Variants in DYNC1I1 observed in about 807,000 individuals in gnomAD.
DYNC1I1 encodes dynein cytoplasmic 1 intermediate chain 1.
DYNC1I1 carries 43 observed loss-of-function variants against 86.6 expected under a neutral mutation model. That is an observed-to-expected ratio of 0.50 (90% confidence interval 0.39 to 0.64). The LOEUF (loss-of-function observed/expected upper bound fraction) is 0.64, where lower values mean the gene tolerates loss of function less well. Among genes scored for constraint, DYNC1I1 ranks in the 30% least tolerant of loss-of-function variants. The probability of loss-of-function intolerance (pLI) is 0.00; values close to 1 mark genes in which losing one functional copy is unlikely to be tolerated. For synonymous variants in DYNC1I1, 262 were observed against 283.7 expected (o/e 0.92, Z 0.77); for missense variants, 604 against 788.8 (o/e 0.77, Z 2.81).
chr7:96,027,523 G>A (rs1794710082), intron 10 of DYNC1I1, among the ~76,000 whole-genome samples: 1 of 152,120 alleles, frequency 6.6e-6, no homozygotes, highest in Non-Finnish European at 1.5e-5. Flanking sequence ...ATCCATTTCT[G>A]GTTGTTTGTT....
intron 6 of DYNC1I1, among the ~76,000 whole-genome samples, chr7:95,894,753 C>G (rs552586133): frequency 1.7e-4 from 26 of 152,280 alleles, no homozygotes; most frequent in African/African-American, 6.0e-4. Flanking sequence ...TCAATGAACT[C>G]TTGGAAAGCA....
chr7:95,830,232 C>T (rs879783639), intron 5 of DYNC1I1, among the ~76,000 whole-genome samples: 1 of 152,044 alleles, frequency 6.6e-6, no homozygotes, highest in Admixed American at 6.6e-5. Flanking sequence ...AAATAAACTA[C>T]ACATATTAAA....
At chr7:95,888,601 A>G (rs957905595) in intron 6 of DYNC1I1, among the ~76,000 whole-genome samples, 1 of 152,078 alleles carries the variant, frequency 6.6e-6, no homozygotes, top group Non-Finnish European at 1.5e-5. Context: ...TGTGTTTTGT[A>G]TGAGTATTTT....
At chr7:95,939,023 C>G (rs1792126452) in intron 6 of DYNC1I1, among the ~76,000 whole-genome samples, 1 of 152,080 alleles carries the variant, frequency 6.6e-6, no homozygotes, top group African/African-American at 2.4e-5. Flanking sequence ...TTTCAAAGAA[C>G]ATCTTTATTT....
At chr7:95,826,309 C>T (rs1922335) in intron 4 of DYNC1I1, among the ~76,000 whole-genome samples, 104,377 of 152,020 alleles carry the variant, frequency 0.69, 36,261 homozygotes, top group African/African-American at 0.78. Flanking sequence ...ATCTGTATTC[C>T]GCTACTTCTG....
At chr7:95,845,550 C>T (rs1370392996) in intron 5 of DYNC1I1, among the ~76,000 whole-genome samples, 2 of 152,130 alleles carry the variant, frequency 1.3e-5, no homozygotes, top group Non-Finnish European at 2.9e-5. Flanking sequence ...TGTAACAATG[C>T]CTGGTATGTT....
At chr7:95,977,638 T>C (rs1793342896) in intron 7 of DYNC1I1, 37 bp downstream of exon 7, 1 of 1,575,496 alleles carries the variant, frequency 6.3e-7, no homozygotes, top group African/African-American at 1.4e-5. Context: ...ATCATTTTAT[T>C]GTTTTGTTTT....
At chr7:95,894,389 C>G (rs1157892336) in intron 6 of DYNC1I1, among the ~76,000 whole-genome samples, 1 of 151,798 alleles carries the variant, frequency 6.6e-6, no homozygotes, top group Non-Finnish European at 1.5e-5. Context: ...GTACCAATCC[C>G]CAGTTATCTC....
chr7:95,961,352 C>A (rs1792862139), intron 6 of DYNC1I1, among the ~76,000 whole-genome samples: 1 of 152,088 alleles, frequency 6.6e-6, no homozygotes, highest in Non-Finnish European at 1.5e-5. Context: ...AGTGAAAAAA[C>A]TAACCAAGGT....
chr7:96,091,610 A>T (rs951061724), intron 16 of DYNC1I1, among the ~76,000 whole-genome samples: 1 of 152,230 alleles, frequency 6.6e-6, no homozygotes. Flanking sequence ...TATTTTTACT[A>T]TGAAAAATAT....
chr7:95,855,910 A>G (rs1300119908), intron 5 of DYNC1I1, among the ~76,000 whole-genome samples: 1 of 152,216 alleles, frequency 6.6e-6, no homozygotes, highest in Non-Finnish European at 1.5e-5. Flanking sequence ...GGTCTAGGAC[A>G]TTACTGTACA....
chr7:95,819,118 C>T, intron 4 of DYNC1I1, among the ~76,000 whole-genome samples: 1 of 151,996 alleles, frequency 6.6e-6, no homozygotes, highest in Non-Finnish European at 1.5e-5. Context: ...AATGATGATA[C>T]AAAGGGAATG....
At position 95,884,009 on chromosome 7, in the gene DYNC1I1, A is replaced by G. The variant is rs965702107; in HGVS notation, c.490+14011A>G. Among the ~76,000 whole-genome samples, 15 of 152,246 alleles carry G rather than the reference A, an allele frequency of 9.9e-5. 1 individual carries two copies. The highest frequency in any genetic ancestry group is 7.9e-4 in the Admixed American group (12 of 15,284). Reference sequence around the variant, plus strand: ...CAATAAAACTTTATAGAGGGAGTCAATGAAGCCATTTGACTGAATAGACTC... The same window carrying G: ...CAATAAAACTTTATAGAGGGAGTCAGTGAAGCCATTTGACTGAATAGACTC... On this transcript the variant is annotated intron_variant, in intron 6 of 16. Transcript: ENST00000447467.
At chr7:95,909,469 T>C (rs544112634) in intron 6 of DYNC1I1, among the ~76,000 whole-genome samples, 67 of 152,038 alleles carry the variant, frequency 4.4e-4, no homozygotes, top group Non-Finnish European at 5.7e-4. Context: ...AGCCGGGGTT[T>C]CAGGGGGCAT....
intron 10 of DYNC1I1, among the ~76,000 whole-genome samples, chr7:96,004,158 C>G (rs1794083517): frequency 6.6e-6 from 1 of 152,190 alleles, no homozygotes; most frequent in East Asian, 1.9e-4. Flanking sequence ...TTTCTAACCT[C>G]TATTGTAACA....
chr7:95,961,043 A>C (rs1792854547), intron 6 of DYNC1I1, among the ~76,000 whole-genome samples: 1 of 152,232 alleles, frequency 6.6e-6, no homozygotes, highest in Non-Finnish European at 1.5e-5. Flanking sequence ...ATGTCATGCA[A>C]ACAGAAAAAT....
chr7:95,960,928 T>C (rs1337685997), intron 6 of DYNC1I1, among the ~76,000 whole-genome samples: 2 of 152,230 alleles, frequency 1.3e-5, no homozygotes, highest in African/African-American at 2.4e-5. Flanking sequence ...GTTATGCTTG[T>C]AAACGTCTCC....
At position 96,014,555 on chromosome 7, in the gene DYNC1I1, G is replaced by A. The variant is rs568889340; in HGVS notation, c.970-13620G>A. On this transcript the variant is annotated intron_variant, in intron 10 of 16. Coordinates refer to ENST00000447467, the MANE Select transcript of DYNC1I1 (RefSeq NM_001135556.2). ...GTCTCACTGTTGGTGTCATTTTCAA[G>A]TGTGGGGCTTGATTTAATAGAGACA... Among the ~76,000 whole-genome samples the A allele has an allele frequency of 8.5e-5, 13 of 152,306 alleles. No individual in the cohort carries two copies. The South Asian group carries it at 2.7e-3, about 32-fold the overall frequency.
chr7:96,057,253 G>T (rs1027634036), intron 14 of DYNC1I1, among the ~76,000 whole-genome samples: 2 of 152,176 alleles, frequency 1.3e-5, no homozygotes. Flanking sequence ...TTTTGGAAAT[G>T]GGTGTGCTCA....
Sources: allele counts gnomAD v4.1 joint callset (sites outside exome capture counted in the v4.1 genomes callset), GRCh38; gene constraint gnomAD v4.1.1; transcripts MANE v1.5; gene names NCBI Gene and HGNC (gene_info 2026-07-23, HGNC 2026-07-21).